The following MAX variants were observed in gnomAD, a reference collection of about 807,000 sequenced individuals.
MAX encodes MYC associated transcriptional regulator X, also known as protein max.
In MAX, 3 loss-of-function variants were observed where a neutral mutation model predicts 22.3. The ratio of observed to expected loss-of-function variants is 0.13; its 90% confidence interval spans 0.06 to 0.35. The LOEUF (loss-of-function observed/expected upper bound fraction) is 0.35, where lower values mean the gene tolerates loss of function less well. Ranked by LOEUF, MAX falls within the 10% of genes least tolerant of loss-of-function variation. MAX has a pLI of 1.00. For synonymous variants in MAX, 72 were observed against 77.7 expected, an observed-to-expected ratio of 0.93 and a Z score of 0.39; for missense variants, 119 against 209.4, an observed-to-expected ratio of 0.57 and a Z score of 2.66.
Position 65,023,597 on chromosome 14 carries a change from A to G in MAX, c.172-17313T>C, listed in dbSNP as rs1203843122. Among the ~76,000 whole-genome samples, 1 of 152,216 alleles carries G rather than the reference A, an allele frequency of 6.6e-6. No homozygotes were observed. Among genetic ancestry groups the G allele is most frequent in the Admixed American group, 6.5e-5 (1 of 15,284 alleles). On this transcript the variant is annotated intron_variant, in intron 3 of 3. Transcript: ENST00000341653. The surrounding 1 kb of genome is among the most constrained non-coding windows in gnomAD (Gnocchi z 4.1). ...GTCTATAAACATCTATACGTGTTCT[A>G]TATTGGCCACTAGCCACAGTTAGTT...
rs2062103599 is a variant in MAX, at chr14:65,032,360, T to C, written c.172-26076A>G. 2 of 390,498 alleles carry C rather than the reference T, an allele frequency of 5.1e-6. No homozygotes were observed. Among genetic ancestry groups the C allele is most frequent in the Non-Finnish European group, 9.2e-6 (2 of 217,184 alleles). 24.2% of individuals were successfully genotyped at this position (390,498 alleles called of 1,614,324 possible). ...TGGCTGTTATTTCCTCTGATGTAGA[T>C]TGGACCATGTGGAGGTAGGGAGAAT... is the stretch of plus-strand genomic sequence containing the variant. On this transcript the variant is annotated intron_variant, in intron 3 of 3. Coordinates refer to the MAX transcript ENST00000341653. This position sits in a 1 kb window ranked among gnomAD's most constrained non-coding sequence, Gnocchi z 5.0.
chr14:65,013,526 A>G (rs2061717742), intron 3 of MAX, among the ~76,000 whole-genome samples: 1 of 152,190 alleles, frequency 6.6e-6, no homozygotes, highest in African/African-American at 2.4e-5. Context: ...AATTTATTGA[A>G]CAGTGTGCTG....
rs1595125439 is a variant in MAX, at chr14:65,075,716, C to T, written c.*760G>A. On this transcript the variant is annotated 3_prime_UTR_variant, in exon 5 of 5. Transcript: ENST00000358664. This position sits in a 1 kb window ranked among gnomAD's most constrained non-coding sequence, Gnocchi z 4.1. Reference sequence around the variant, plus strand: ...ACCCAAAACACCCTCCCTGTCCCAACCCCAAATGGCCACTCCCTGGTGGCT... The same window carrying T: ...ACCCAAAACACCCTCCCTGTCCCAATCCCAAATGGCCACTCCCTGGTGGCT... 1 of 1,066,474 alleles carries T rather than the reference C, an allele frequency of 9.4e-7. No homozygotes were observed. Among genetic ancestry groups the T allele is most frequent in the East Asian group, 5.0e-5 (1 of 20,174 alleles). 66.1% of individuals were successfully genotyped at this position (1,066,474 alleles called of 1,614,324 possible).
Position 65,047,402 on chromosome 14 carries a change from G to T in MAX, c.172-41118C>A, listed in dbSNP as rs982788692. Among the ~76,000 whole-genome samples the T allele has an allele frequency of 2.0e-5, 3 of 152,210 alleles. No individual in the cohort carries two copies. The highest frequency in any genetic ancestry group is 7.2e-5 in the African/African-American group (3 of 41,454). On this transcript the variant is annotated intron_variant, in intron 3 of 3. Coordinates refer to the MAX transcript ENST00000341653. The surrounding 1 kb of genome is among the most constrained non-coding windows in gnomAD (Gnocchi z 5.2). ...CCTGCCCTGCTCATAACCACAGTAG[G>T]TGGCCATTAATCCAACGAAAAATTG...
At chr14:65,016,797 G>T (rs1261093121) in intron 3 of MAX, among the ~76,000 whole-genome samples, 1 of 152,164 alleles carries the variant, frequency 6.6e-6, no homozygotes, top group Non-Finnish European at 1.5e-5. Context: ...TGAGGGAGAG[G>T]CAAGTGCATT....
At chr14:65,020,200 G>A (rs1018325604) in intron 3 of MAX, among the ~76,000 whole-genome samples, 9 of 152,200 alleles carry the variant, frequency 5.9e-5, no homozygotes, top group Admixed American at 3.9e-4. Context: ...TGCTATGACC[G>A]CTGACCAAAG....
At chr14:65,006,296 A>G (rs1237210352) in intron 3 of MAX, 1 of 1,613,140 alleles carries the variant, frequency 6.2e-7, no homozygotes, top group Non-Finnish European at 8.5e-7. Context: ...TGGGGAAGGA[A>G]AGGAGGAAAA....
At chr14:65,060,888 AAAAAAAAC>A (rs1403132576) in intron 3 of MAX, among the ~76,000 whole-genome samples, 2 of 149,058 alleles carry the variant, frequency 1.3e-5, no homozygotes, top group Non-Finnish European at 3.0e-5. Flanking sequence ...AAAAAAAAAA[AAAAAAAAC>A]AGTTTGAGAT....
rs2061693363 is a variant in MAX at position 65,012,162 on chromosome 14, C to T, written c.172-5878G>A. 1 of 825,572 alleles carries T rather than the reference C, an allele frequency of 1.2e-6. No individual in the cohort carries two copies. The highest frequency in any genetic ancestry group is 1.7e-5 in the South Asian group (1 of 58,854). 51.1% of individuals were successfully genotyped at this position (825,572 alleles called of 1,614,324 possible). A position where few individuals can be genotyped will look rare whatever the true frequency, so the allele number is the denominator to read the frequency against. ...GCTTCTTTTCTCTGGTTTAGTTGCT[C>T]TTTGGAACCAGAGAAGTTGCTGGTT... On this transcript the variant is annotated intron_variant, in intron 3 of 3. Transcript: ENST00000341653. This position sits in a 1 kb window ranked among gnomAD's most constrained non-coding sequence, Gnocchi z 5.0.
At chr14:65,087,089 G>T (rs1158378865) in intron 3 of MAX, among the ~76,000 whole-genome samples, 1 of 152,236 alleles carries the variant, frequency 6.6e-6, no homozygotes, top group Admixed American at 6.5e-5. Context: ...ATTGAGCCTG[G>T]GAGTGAACAG....
At position 65,054,178 on chromosome 14, in the gene MAX, T is replaced by C. The variant is rs2062676667; in HGVS notation, c.171+39530A>G. Among the ~76,000 whole-genome samples, 1 of 152,054 alleles carries C rather than the reference T, an allele frequency of 6.6e-6. No homozygotes were observed. Among genetic ancestry groups the C allele is most frequent in the South Asian group, 2.1e-4 (1 of 4,826 alleles). On this transcript the variant is annotated intron_variant, in intron 3 of 3. Coordinates refer to the MAX transcript ENST00000341653. The surrounding 1 kb of genome is among the most constrained non-coding windows in gnomAD (Gnocchi z 4.4). ...CCCAGGCTGGAGTGCAGTGTCACAA[T>C]CATGACTCACTGCAGCCTTCACCTC... is the stretch of plus-strand genomic sequence containing the variant.
At chr14:65,038,704 C>G (rs891898598) in intron 3 of MAX, among the ~76,000 whole-genome samples, 9 of 152,052 alleles carry the variant, frequency 5.9e-5, no homozygotes, top group African/African-American at 1.9e-4. Flanking sequence ...GGCATCAGAG[C>G]GAGACTCTGT....
Position 65,054,246 on chromosome 14 carries a change from G to A in MAX, c.171+39462C>T, listed in dbSNP as rs951117600. Among the ~76,000 whole-genome samples the A allele has an allele frequency of 9.2e-5, 14 of 152,118 alleles. No individual in the cohort carries two copies. The highest frequency in any genetic ancestry group is 2.7e-4 in the African/African-American group (11 of 41,504). ...TCCTGCTTCAGCCTCCCAAGTAACTGGAATTACAGGCATCGGCCACCACAC... is the reference window on the plus strand; with the variant it reads ...TCCTGCTTCAGCCTCCCAAGTAACTAGAATTACAGGCATCGGCCACCACAC... On this transcript the variant is annotated intron_variant, in intron 3 of 3. Coordinates refer to the MAX transcript ENST00000341653. This position sits in a 1 kb window ranked among gnomAD's most constrained non-coding sequence, Gnocchi z 4.4.
At chr14:65,015,545 G>A in intron 3 of MAX, 3 of 1,496,688 alleles carry the variant, frequency 2.0e-6, no homozygotes, top group Non-Finnish European at 2.8e-6. Context: ...GCTGCTGGGA[G>A]TGAGACAGAT....
chr14:65,044,007 C>T lies in MAX; in HGVS notation c.172-37723G>A, dbSNP rs113402123. On this transcript the variant is annotated intron_variant, in intron 3 of 3. Transcript: ENST00000341653. This position sits in a 1 kb window ranked among gnomAD's most constrained non-coding sequence, Gnocchi z 5.5. The stretch of plus-strand genomic sequence containing the variant: ...AGACTTTGAAGGTCTCCTTACAAAC[C>T]AGCTTGGCCTCTTTATCTTCTCAGC... Among the ~76,000 whole-genome samples the T allele has an allele frequency of 2.0e-5, 3 of 152,252 alleles. No individual in the cohort carries two copies. Among genetic ancestry groups the T allele is most frequent in the African/African-American group, 7.2e-5 (3 of 41,552 alleles).
intron 3 of MAX, among the ~76,000 whole-genome samples, chr14:65,035,809 C>T (rs1262035079): frequency 6.6e-6 from 1 of 151,808 alleles, no homozygotes; most frequent in Non-Finnish European, 1.5e-5. Context: ...TCAAGGATTA[C>T]AGGCATGAGC....
chr14:65,014,894 C>A lies in MAX; in HGVS notation c.172-8610G>T, dbSNP rs934763706. ...AGTGCTTGGCACAAGTAGATACTATCAAATATTTGTTGAATCAGTGATTGA... is the reference window on the plus strand; with the variant it reads ...AGTGCTTGGCACAAGTAGATACTATAAAATATTTGTTGAATCAGTGATTGA... On this transcript the variant is annotated intron_variant, in intron 3 of 3. Transcript: ENST00000341653. This position sits in a 1 kb window ranked among gnomAD's most constrained non-coding sequence, Gnocchi z 5.1. 6.6e-6 allele frequency among the ~76,000 whole-genome samples: 1 copy of A among 152,092 alleles called. No homozygotes were observed. The highest frequency in any genetic ancestry group is 6.6e-5 in the Admixed American group (1 of 15,258).
At position 65,014,493 on chromosome 14, in the gene MAX, A is replaced by G. The variant is rs1303093680; in HGVS notation, c.172-8209T>C. 3.9e-5 allele frequency among the ~76,000 whole-genome samples: 6 copies of G among 152,182 alleles called. No homozygotes were observed. The East Asian group carries it at 9.6e-4, about 24-fold the overall frequency. On this transcript the variant is annotated intron_variant, in intron 3 of 3. Coordinates refer to the MAX transcript ENST00000341653. This position sits in a 1 kb window ranked among gnomAD's most constrained non-coding sequence, Gnocchi z 5.1. ...GCTCTCTTCCCCTACAGGTAACCAC[A>G]CACATTCTATATCCCAAGCATCTCA...
intron 3 of MAX, chr14:65,061,405 A>C: frequency 6.6e-7 from 1 of 1,526,010 alleles, no homozygotes; most frequent in Admixed American, 1.9e-5. Context: ...GTGCTACACA[A>C]GCCTTAGCCT....
Sources: allele counts gnomAD v4.1 joint callset (sites outside exome capture counted in the v4.1 genomes callset), GRCh38; gene constraint gnomAD v4.1.1; non-coding constraint Gnocchi (gnomAD v3.1); transcripts MANE v1.5; gene names NCBI Gene and HGNC (gene_info 2026-07-23, HGNC 2026-07-21).